RBFOX1: variants seen among roughly 807,000 people sequenced by gnomAD.
RBFOX1 encodes the protein RNA binding fox-1 homolog 1, also known as RNA binding protein fox-1 homolog 1.
A neutral mutation model predicts 57.7 loss-of-function variants in RBFOX1; 8 were observed. The observed-to-expected ratio is 0.14, with a 90% confidence interval of 0.08 to 0.25. RBFOX1 has a LOEUF of 0.25. RBFOX1 is among the 10% of genes least tolerant of loss of function. The pLI, the probability that RBFOX1 is intolerant of heterozygous loss-of-function variation, is 1.00. For missense variants in RBFOX1, 611 were observed against 548.5 expected (o/e 1.11, Z -1.14); for synonymous variants, 326 against 222.4 (o/e 1.47, Z -4.15).
chr16:6,435,254 T>A (rs754518705), intron 2 of RBFOX1, among the ~76,000 whole-genome samples: 1 of 152,156 alleles, frequency 6.6e-6, no homozygotes, highest in Non-Finnish European at 1.5e-5. Context: ...ATGTTTTGTG[T>A]CATTGCTAGC....
intron 1 of RBFOX1, among the ~76,000 whole-genome samples, chr16:6,136,845 A>G (rs772915993): frequency 1.3e-5 from 2 of 152,200 alleles, no homozygotes; most frequent in African/African-American, 2.4e-5. Context: ...CCTTTGTATA[A>G]TATTGAAAAA....
chr16:6,548,280 C>A (rs915607935), intron 2 of RBFOX1, among the ~76,000 whole-genome samples: 1 of 151,966 alleles, frequency 6.6e-6, no homozygotes, highest in Admixed American at 6.6e-5. Flanking sequence ...CTATAGTGTC[C>A]GAGATCATTT....
At chr16:6,058,225 G>T (rs1225082796) in intron 1 of RBFOX1, among the ~76,000 whole-genome samples, 2 of 152,044 alleles carry the variant, frequency 1.3e-5, no homozygotes, top group Non-Finnish European at 2.9e-5. Flanking sequence ...AAATATGAGT[G>T]TTTATTGGTT....
chr16:6,087,427 C>G (rs1048641018), intron 1 of RBFOX1, among the ~76,000 whole-genome samples: 2 of 152,012 alleles, frequency 1.3e-5, no homozygotes, highest in Admixed American at 1.3e-4. Context: ...ACTGTGATTC[C>G]AATATCCATA....
intron 3 of RBFOX1, among the ~76,000 whole-genome samples, chr16:7,014,376 C>CT (rs149146067): frequency 6.0e-5 from 9 of 151,192 alleles, no homozygotes; most frequent in East Asian, 5.9e-4. Context: ...CCACGCCTGG[C>CT]TTTTTTTTAT....
At chr16:5,454,942 C>T (rs185730130) in intron 1 of RBFOX1, among the ~76,000 whole-genome samples, 1,451 of 44,810 alleles carry the variant, frequency 0.032, 32 homozygotes, top group East Asian at 0.087. Context: ...TTCCTTCCTT[C>T]CTTCCTTCCT....
At chr16:7,029,225 C>T (rs142940950) in intron 3 of RBFOX1, among the ~76,000 whole-genome samples, 4,160 of 45,034 alleles carry the variant, frequency 0.092, 716 homozygotes, top group African/African-American at 0.42. Context: ...TATATACACA[C>T]ATATATATAC....
intron 4 of RBFOX1, among the ~76,000 whole-genome samples, chr16:5,956,679 T>TA (rs1555456310): frequency 1.9e-5 from 1 of 53,206 alleles, no homozygotes; most frequent in Non-Finnish European, 3.7e-5. Context: ...TATATATATA[T>TA]TTTTTTTGAG....
intron 3 of RBFOX1, among the ~76,000 whole-genome samples, chr16:5,820,675 G>A (rs148150241): frequency 2.2e-4 from 33 of 152,260 alleles, no homozygotes; most frequent in South Asian, 1.0e-3. Context: ...TCTGAAGTGC[G>A]TCACAGCGTT....
intron 1 of RBFOX1, chr16:5,366,080 A>G (rs964461412): frequency 5.3e-5 from 25 of 470,386 alleles, no homozygotes; most frequent in Non-Finnish European, 1.0e-4. Context: ...AAATCATACC[A>G]CCAGTGCTCT....
At chr16:6,561,251 G>A (rs888154225) in intron 2 of RBFOX1, among the ~76,000 whole-genome samples, 9 of 152,126 alleles carry the variant, frequency 5.9e-5, no homozygotes, top group African/African-American at 2.2e-4. Flanking sequence ...CGGGGGCAGG[G>A]GCTGTCCACA....
At chr16:7,093,652 T>TC (rs952885145) in intron 4 of RBFOX1, among the ~76,000 whole-genome samples, 22 of 152,234 alleles carry the variant, frequency 1.4e-4, no homozygotes, top group African/African-American at 5.1e-4. Flanking sequence ...ACTTACATCT[T>TC]CCCCCTCTAG....
chr16:6,317,233 G>C (rs928764168), intron 2 of RBFOX1, among the ~76,000 whole-genome samples, 176 bp downstream of exon 2: 3 of 152,172 alleles, frequency 2.0e-5, no homozygotes, highest in Non-Finnish European at 4.4e-5. Flanking sequence ...CTGCAAGGTA[G>C]AACCACCCTC....
chr16:6,727,300 C>G (rs1188425418), intron 3 of RBFOX1, among the ~76,000 whole-genome samples: 1 of 151,662 alleles, frequency 6.6e-6, no homozygotes, highest in Non-Finnish European at 1.5e-5. Context: ...TTTGCCATTT[C>G]TTTCAGTAGA....
intron 3 of RBFOX1, among the ~76,000 whole-genome samples, chr16:5,726,479 G>A (rs12597146): frequency 0.44 from 66,627 of 151,946 alleles, 18,133 homozygotes; most frequent in East Asian, 0.8. Context: ...TCTTTGTCCC[G>A]CTTTCCTTCA....
chr16:5,679,537 C>T (rs1397218735), intron 3 of RBFOX1, among the ~76,000 whole-genome samples: 3 of 152,068 alleles, frequency 2.0e-5, no homozygotes, highest in Non-Finnish European at 4.4e-5. Flanking sequence ...CGGTGTGTGG[C>T]GTTCCCCTCC....
intron 5 of RBFOX1, among the ~76,000 whole-genome samples, chr16:7,532,872 G>A (rs1481316692): frequency 6.6e-6 from 1 of 152,180 alleles, no homozygotes; most frequent in Non-Finnish European, 1.5e-5. Context: ...GAAAAAGTTT[G>A]GCAACCCCCG....
rs562561260 is a variant in RBFOX1, at chr16:6,469,427, C to G, written c.-64+152370C>G. ...TAGACAAGTTTTCTCCAGGTCTGAG[C>G]TGGATTTCCTTCGTTGATTGAGCAC... On this transcript the variant is annotated intron_variant, in intron 2 of 15. Transcript: ENST00000550418. 1.0e-3 allele frequency among the ~76,000 whole-genome samples: 155 copies of G among 152,250 alleles called. 2 individuals carry two copies. The highest frequency in any genetic ancestry group is 7.1e-3 in the South Asian group (34 of 4,818).
intron 4 of RBFOX1, among the ~76,000 whole-genome samples, chr16:5,906,727 CTTTTTTTTTT>C (rs57589514): frequency 1.1e-4 from 8 of 71,490 alleles, no homozygotes; most frequent in Admixed American, 4.5e-4. Context: ...ATCCTAGATT[CTTTTTTTTTT>C]TTTTTTTTTT....
Sources: allele counts gnomAD v4.1 joint callset (sites outside exome capture counted in the v4.1 genomes callset), GRCh38; gene constraint gnomAD v4.1.1; transcripts MANE v1.5; gene names NCBI Gene and HGNC (gene_info 2026-07-23, HGNC 2026-07-21).